AACS: variants seen among roughly 807,000 people sequenced by gnomAD.
AACS encodes acetoacetyl-CoA synthetase.
A neutral mutation model predicts 83.1 loss-of-function variants in AACS; 69 were observed. The ratio of observed to expected loss-of-function variants is 0.83; its 90% CI spans 0.68 to 1.01. The LOEUF is 1.01. Among genes scored for constraint, AACS ranks in the 50% least tolerant of loss-of-function variants. The probability of loss-of-function intolerance (pLI) is 0.00; values close to 1 mark genes in which losing one functional copy is unlikely to be tolerated. For missense variants in AACS, 866 were observed against 882.2 expected (o/e 0.98, Z 0.23); for synonymous variants, 333 against 343.4 (o/e 0.97, Z 0.33).
intron 8 of AACS, among the ~76,000 whole-genome samples, chr12:125,108,522 G>T (rs779651375): frequency 3.9e-5 from 6 of 152,042 alleles, no homozygotes; most frequent in African/African-American, 1.2e-4. Flanking sequence ...AATTTTGGGG[G>T]TACACAGTTC....
intron 2 of AACS, among the ~76,000 whole-genome samples, chr12:125,075,449 G>A (rs757920004): frequency 3.3e-5 from 5 of 150,914 alleles, no homozygotes; most frequent in Non-Finnish European, 7.4e-5. Flanking sequence ...CCGCCACCAC[G>A]CCCGGCTAAT....
chr12:125,092,803 T>C (rs1011005623), intron 5 of AACS: 2 of 152,646 alleles, frequency 1.3e-5, no homozygotes, highest in African/African-American at 4.8e-5. Flanking sequence ...GGGCCAATGG[T>C]GTCCTTGTGG....
At chr12:125,117,229 T>C (rs1403760933) in intron 9 of AACS, among the ~76,000 whole-genome samples, 1 of 151,788 alleles carries the variant, frequency 6.6e-6, no homozygotes, top group Non-Finnish European at 1.5e-5. Context: ...CTGGCCAACA[T>C]GGAAAAACCC....
chr12:125,128,459 C>A (rs931833196), intron 13 of AACS, 185 bp downstream of exon 13: 2 of 488,544 alleles, frequency 4.1e-6, no homozygotes, highest in Non-Finnish European at 7.2e-6. Flanking sequence ...GCTTCTGGTC[C>A]CTAGCCTCTG....
intron 4 of AACS, among the ~76,000 whole-genome samples, chr12:125,090,828 G>T (rs1452564582): frequency 1.3e-5 from 2 of 152,278 alleles, no homozygotes; most frequent in Admixed American, 6.5e-5. Context: ...GACAGGCAAA[G>T]TCCCAGCCCT....
intron 7 of AACS, among the ~76,000 whole-genome samples, chr12:125,104,805 C>T (rs148804313): frequency 1.1e-4 from 17 of 152,262 alleles, no homozygotes; most frequent in South Asian, 1.0e-3. Flanking sequence ...TGTATTAGGT[C>T]GTTCTTGCCT....
intron 16 of AACS, 66 bp downstream of exon 16, chr12:125,134,918 C>G: frequency 1.3e-6 from 2 of 1,580,428 alleles, no homozygotes; most frequent in Non-Finnish European, 1.7e-6. Flanking sequence ...GGCGGGAGCC[C>G]CAGGAGCCCC....
In AACS at chr12:125,080,174, C is replaced by A. The variant is rs547155007; in HGVS notation, c.358+3563C>A. Among the ~76,000 whole-genome samples, 3 of 152,320 alleles carry A rather than the reference C, an allele frequency of 2.0e-5. 1 individual carries two copies. The highest frequency in any genetic ancestry group is 7.2e-5 in the African/African-American group (3 of 41,578). ...CTCCCTAGGGTGCCAACCCAGTCGC[C>A]TCTTTCGTAATCCTGAGAAGGAGAA... On this transcript the variant is annotated intron_variant, in intron 3 of 17. Transcript: ENST00000316519.
At chr12:125,073,181 GC>G (rs1053192882) in intron 1 of AACS, among the ~76,000 whole-genome samples, 1 of 152,082 alleles carries the variant, frequency 6.6e-6, no homozygotes, top group Non-Finnish European at 1.5e-5. Flanking sequence ...ACCTGCCTCG[GC>G]CTCCCAAAGC....
At chr12:125,078,864 C>T (rs2136048152) in intron 3 of AACS, among the ~76,000 whole-genome samples, 1 of 140,602 alleles carries the variant, frequency 7.1e-6, no homozygotes, top group Admixed American at 7.4e-5. Flanking sequence ...TGCAAGGAGA[C>T]AAGCTGCCTG....
chr12:125,097,451 G>T lies in AACS; in HGVS notation c.571-5228G>T, dbSNP rs1435093900. Among the ~76,000 whole-genome samples, 5 of 135,882 alleles carry T rather than the reference G, an allele frequency of 3.7e-5. No homozygotes were observed. The highest frequency in any genetic ancestry group is 7.7e-5 in the African/African-American group (3 of 39,158). The allele number at this position is 135,882 out of a possible 152,430, so 89.1% of individuals were successfully genotyped here. On this transcript the variant is annotated intron_variant, in intron 5 of 17. Coordinates refer to ENST00000316519, the MANE Select transcript of AACS (RefSeq NM_023928.5). This position sits in a 1 kb window ranked among gnomAD's most constrained non-coding sequence, Gnocchi z 4.3. ...TTTTACTTAAAAAAAAAAAAAAAAA[G>T]TGCGTTGGGGCAGCTCCAAGGGCGT...
chr12:125,113,613 G>A lies in AACS; in HGVS notation c.916-864G>A, dbSNP rs1956993811. Among the ~76,000 whole-genome samples, 1 of 152,202 alleles carries A rather than the reference G, an allele frequency of 6.6e-6. No homozygotes were observed. Among genetic ancestry groups the A allele is most frequent in the African/African-American group, 2.4e-5 (1 of 41,450 alleles). ...ATTATATAGTTGTAAACAGACATGA[G>A]GGAGCTCCCGGCATGCCAAGGAAGA... On this transcript the variant is annotated intron_variant, in intron 8 of 17. Transcript: ENST00000316519. The surrounding 1 kb of genome is among the most constrained non-coding windows in gnomAD (Gnocchi z 4.8).
Position 125,065,656 on chromosome 12 carries a change from G to A in AACS, c.72G>A (p.Lys24=), listed in dbSNP as rs1414001585. The change falls in exon 1 of 18, where the codon AAG becomes AAA. Residue 24 remains lysine (K), a synonymous_variant. Coordinates refer to ENST00000316519, the MANE Select transcript of AACS (RefSeq NM_023928.5). ...ECQVMWEPDS[K]KNTQMDRFRA... Reference sequence around the variant, plus strand: ...AGGTGATGTGGGAGCCTGACAGTAAGAAGAACACGCAGATGGACCGCTTCC... The same window carrying A: ...AGGTGATGTGGGAGCCTGACAGTAAAAAGAACACGCAGATGGACCGCTTCC... 1 of 1,546,974 alleles carries A rather than the reference G, an allele frequency of 6.5e-7. No individual in the cohort carries two copies. The highest frequency in any genetic ancestry group is 8.7e-7 in the Non-Finnish European group (1 of 1,145,040).
chr12:125,086,520 T>C (rs1956343109), intron 4 of AACS, 77 bp downstream of exon 4: 1 of 1,348,362 alleles, frequency 7.4e-7, no homozygotes. Context: ...TCAAGACGGC[T>C]TTCAAATAAG....
chr12:125,071,766 G>A (rs905887056), intron 1 of AACS, among the ~76,000 whole-genome samples: 2 of 152,214 alleles, frequency 1.3e-5, no homozygotes, highest in African/African-American at 4.8e-5. Context: ...GGTGTCAAGA[G>A]GCCATTGTGG....
At chr12:125,107,348 G>A in intron 8 of AACS, 80 bp downstream of exon 8, 2 of 1,557,308 alleles carry the variant, frequency 1.3e-6, no homozygotes, top group South Asian at 1.2e-5. Context: ...TGATGGCAGT[G>A]TTGGAGTTGT....
At chr12:125,069,666 G>C (rs1259141038) in intron 1 of AACS, among the ~76,000 whole-genome samples, 2 of 152,212 alleles carry the variant, frequency 1.3e-5, no homozygotes. Flanking sequence ...GAGGCAGGGA[G>C]GTGGCACCAG....
chr12:125,109,565 G>A (rs190891738), intron 8 of AACS, among the ~76,000 whole-genome samples: 17 of 152,298 alleles, frequency 1.1e-4, no homozygotes, highest in South Asian at 2.1e-4. Context: ...ATTTCAGCAC[G>A]TATCTCCCAA....
At chr12:125,114,939 G>A (rs1429874564) in intron 9 of AACS, among the ~76,000 whole-genome samples, 1 of 152,030 alleles carries the variant, frequency 6.6e-6, no homozygotes, top group Non-Finnish European at 1.5e-5. Flanking sequence ...GGCTTCCCCG[G>A]GCGCCGGCCT....
Sources: gnomAD v4.1 joint callset for allele counts (sites outside exome capture counted in the v4.1 genomes callset) on GRCh38, gnomAD v4.1.1 for gene constraint, Gnocchi (gnomAD v3.1) non-coding constraint, MANE v1.5 for transcripts, NCBI Gene and HGNC (gene_info 2026-07-23, HGNC 2026-07-21) for gene names.